The following PILRA variants were observed in gnomAD, a reference collection of about 807,000 sequenced individuals.
The protein encoded by PILRA is paired immunoglobin like type 2 receptor alpha.
A neutral mutation model predicts 33.1 loss-of-function variants in PILRA; 37 were observed. That is an observed-to-expected ratio of 1.12 (90% confidence interval 0.86 to 1.47). PILRA has a LOEUF of 1.47. Among genes scored for constraint, PILRA ranks in the 40% most tolerant of loss-of-function variants. The pLI, the probability that PILRA is intolerant of heterozygous loss-of-function variation, is 0.00. For missense variants in PILRA, 312 were observed against 376.2 expected, an observed-to-expected ratio of 0.83 and a Z score of 1.41; for synonymous variants, 146 against 149.9, an observed-to-expected ratio of 0.97 and a Z score of 0.19.
chr7:100,376,386 AC>A (rs1370045625), intron 2 of PILRA: 3 of 151,372 alleles, frequency 2.0e-5, no homozygotes, highest in African/African-American at 7.3e-5. Flanking sequence ...TGTTTTTTTC[AC>A]TAATAAATTG....
chr7:100,389,649 GAAGGAAAGGA>G (rs368991801), intron 2 of PILRA, among the ~76,000 whole-genome samples: 4 of 151,222 alleles, frequency 2.6e-5, no homozygotes, highest in East Asian at 3.9e-4. Flanking sequence ...AGGGAGAGAG[GAAGGAAAGGA>G]AAGGAAAGGA....
At chr7:100,395,510 C>T (rs1321003160) in intron 3 of PILRA, among the ~76,000 whole-genome samples, 2 of 152,084 alleles carry the variant, frequency 1.3e-5, no homozygotes, top group Non-Finnish European at 2.9e-5. Context: ...AACCTCTTGT[C>T]CAACAGAAGA....
At chr7:100,381,444 C>CAAAAAAAA in intron 2 of PILRA, among the ~76,000 whole-genome samples, 1 of 82,074 alleles carries the variant, frequency 1.2e-5, no homozygotes, top group Non-Finnish European at 2.4e-5. Flanking sequence ...GATCCTGACT[C>CAAAAAAAA]AAAAAAAAAA....
Position 100,374,244 on chromosome 7 carries a change from A to T in PILRA, c.265A>T (p.Ile89Phe). 1 of 1,614,138 alleles carries T rather than the reference A, an allele frequency of 6.2e-7. No individual in the cohort carries two copies. Reference sequence around the variant, plus strand: ...CTTCTACAGCACAAGGCCGCCTTCCATTCACAAGGATTATGTGAACCGGCT... The same window carrying T: ...CTTCTACAGCACAAGGCCGCCTTCCTTTCACAAGGATTATGTGAACCGGCT... ...QSFYSTRPPS[I>F]HKDYVNRLFL... is the part of the protein sequence containing the mutation. The change falls in exon 2 of 7, where the codon ATT becomes TTT. Residue 89 changes from isoleucine to phenylalanine, a missense_variant. By Grantham distance (21) the Ile-to-Phe change is conservative. Coordinates refer to ENST00000198536, the MANE Select transcript of PILRA (RefSeq NM_013439.3).
chr7:100,387,140 G>A (rs1791271681), intron 2 of PILRA, among the ~76,000 whole-genome samples: 1 of 152,200 alleles, frequency 6.6e-6, no homozygotes, highest in Non-Finnish European at 1.5e-5. Flanking sequence ...ATGACCTTGA[G>A]CAGTAGGATA....
chr7:100,389,166 CAAAGACTCTTTCAATTCATCTGT>C (rs1791321444), intron 2 of PILRA, among the ~76,000 whole-genome samples: 1 of 152,140 alleles, frequency 6.6e-6, no homozygotes, highest in African/African-American at 2.4e-5. Context: ...GGTGAAATCC[CAAAGACTCTTTCAATTCATCTGT>C]GATTAACATT....
chr7:100,382,289 A>G (rs1416201751), intron 2 of PILRA, among the ~76,000 whole-genome samples: 1 of 152,190 alleles, frequency 6.6e-6, no homozygotes, highest in Admixed American at 6.5e-5. Context: ...AGGTTTGTGA[A>G]TGCACCAATC....
At chr7:100,397,039 A>G (rs893792353) in intron 3 of PILRA, among the ~76,000 whole-genome samples, 1 of 151,724 alleles carries the variant, frequency 6.6e-6, no homozygotes, top group Admixed American at 6.6e-5. Context: ...GAGGGAAAAA[A>G]CAGAGGGACA....
At chr7:100,393,814 G>A (rs1276452495) in intron 3 of PILRA, among the ~76,000 whole-genome samples, 3 of 151,742 alleles carry the variant, frequency 2.0e-5, no homozygotes, top group African/African-American at 7.3e-5. Context: ...TAGGAGGAAG[G>A]AAGAAAGGAA....
intron 2 of PILRA, among the ~76,000 whole-genome samples, chr7:100,387,148 A>C (rs1322820804): frequency 6.6e-6 from 1 of 152,240 alleles, no homozygotes; most frequent in Non-Finnish European, 1.5e-5. Flanking sequence ...GAGCAGTAGG[A>C]TATAAATAAC....
intron 3 of PILRA, among the ~76,000 whole-genome samples, chr7:100,391,707 G>A (rs1011845706): frequency 6.6e-6 from 1 of 152,120 alleles, no homozygotes; most frequent in Admixed American, 6.5e-5. Context: ...TAAATAAGTT[G>A]ATTGTTAGAT....
intron 4 of PILRA, among the ~76,000 whole-genome samples, chr7:100,398,305 G>C (rs960008987): frequency 5.3e-5 from 8 of 152,112 alleles, no homozygotes; most frequent in African/African-American, 1.9e-4. Flanking sequence ...TTCCCCTGCT[G>C]AATGTGCAGG....
At position 100,390,048 on chromosome 7, in the gene PILRA, T is replaced by G; in HGVS notation, c.615T>G (p.Thr205=). The G allele has an allele frequency of 6.2e-7, 1 of 1,613,988 alleles. No individual in the cohort carries two copies. The highest frequency in any genetic ancestry group is 1.1e-5 in the South Asian group (1 of 91,076). ...ETAVGVAVAV[T]VLGIMILGLI... Reference sequence around the variant, plus strand: ...CTGTGGGGGTGGCAGTGGCTGTCACTGTGCTCGGAATCATGATTTTGGGAC... The same window carrying G: ...CTGTGGGGGTGGCAGTGGCTGTCACGGTGCTCGGAATCATGATTTTGGGAC... The change falls in exon 3 of 7, where the codon ACT becomes ACG. Residue 205 remains threonine (T), a synonymous_variant. Coordinates refer to ENST00000198536, the MANE Select transcript of PILRA (RefSeq NM_013439.3).
chr7:100,389,895 G>A lies in PILRA; in HGVS notation c.462G>A (p.Thr154=), dbSNP rs1315559070. 1 of 1,613,558 alleles carries A rather than the reference G, an allele frequency of 6.2e-7. No individual in the cohort carries two copies. ...GTKLSITQAV[T]TTTQRPSSMT... ...TTCCTCATCTCTCCCCAGCTGTCAC[G>A]ACCACCACCCAGAGGCCCAGCAGCA... Residue 154 remains threonine, a synonymous_variant, in exon 3 of 7, where the codon ACG becomes ACA. Coordinates refer to ENST00000198536, the MANE Select transcript of PILRA (RefSeq NM_013439.3).
chr7:100,375,167 CCT>C (rs751378419), intron 2 of PILRA, among the ~76,000 whole-genome samples: 1 of 152,192 alleles, frequency 6.6e-6, no homozygotes, highest in Non-Finnish European at 1.5e-5. Flanking sequence ...CCGTGCTCTC[CCT>C]GTCCTCCACT....
intron 3 of PILRA, among the ~76,000 whole-genome samples, chr7:100,392,296 G>A (rs1454177931): frequency 6.6e-6 from 1 of 152,182 alleles, no homozygotes; most frequent in Non-Finnish European, 1.5e-5. Flanking sequence ...GTGACAGAGT[G>A]CAAGGAGATT....
Position 100,400,071 on chromosome 7 carries a change from T to A in PILRA, c.*164T>A. 1.8e-6 allele frequency: 1 copy of A among 543,874 alleles called. No homozygotes were observed. The highest frequency in any genetic ancestry group is 3.0e-6 in the Non-Finnish European group (1 of 335,854). 33.7% of individuals were successfully genotyped at this position (543,874 alleles called of 1,614,324 possible). A position where few individuals can be genotyped will look rare whatever the true frequency, so the allele number is the denominator to read the frequency against. ...GCCATCTCTAGTTAAAAATATATAT[T>A]AACAATAAAGTAACAAATTTAAAAA... On this transcript the variant is annotated 3_prime_UTR_variant, in exon 7 of 7. Coordinates refer to ENST00000198536, the MANE Select transcript of PILRA (RefSeq NM_013439.3).
At chr7:100,374,721 C>T (rs1790907738) in intron 2 of PILRA, 3 of 480,644 alleles carry the variant, frequency 6.2e-6, no homozygotes, top group East Asian at 8.0e-5. Context: ...AATTATCCTT[C>T]ATTCTTTCTC....
chr7:100,388,737 G>A (rs1791311420), intron 2 of PILRA, among the ~76,000 whole-genome samples: 1 of 116,898 alleles, frequency 8.6e-6, no homozygotes, highest in African/African-American at 3.4e-5. Flanking sequence ...GTGACAGAGC[G>A]AGCCTCCGTC....
Sources: gnomAD v4.1 joint callset for allele counts (sites outside exome capture counted in the v4.1 genomes callset) on GRCh38, gnomAD v4.1.1 for gene constraint, MANE v1.5 for transcripts, NCBI Gene and HGNC (gene_info 2026-07-23, HGNC 2026-07-21) for gene names.